FAT3: variants seen among roughly 807,000 people sequenced by gnomAD.
FAT3 encodes the protein FAT atypical cadherin 3, also known as protocadherin Fat 3.
FAT3 carries 95 observed loss-of-function variants against 310.2 expected under a neutral mutation model. The ratio of observed to expected loss-of-function variants is 0.31; its 90% CI spans 0.26 to 0.36. The LOEUF is 0.36. Among genes scored for constraint, FAT3 ranks in the 10% least tolerant of loss-of-function variants. The probability of loss-of-function intolerance (pLI) is 1.00; values close to 1 mark genes in which losing one functional copy is unlikely to be tolerated. For missense variants in FAT3, 5,408 were observed against 5,715.6 expected (o/e 0.95, Z 1.74); for synonymous variants, 2,314 against 2,192.9 (o/e 1.06, Z -1.54).
rs781438047 is a variant in FAT3 at position 92,800,336 on chromosome 11, C to G, written c.7323C>G (p.Ser2441Arg). ...YSILSGNDRTSFLMDSKSGVI... is the reference protein window; with the variant it reads ...YSILSGNDRTRFLMDSKSGVI... ...TTTTATCTGGGAATGACCGGACGAG[C>G]TTTCTGATGGACAGCAAGAGTGGAG... Residue 2441 changes from serine to arginine, a missense_variant, in exon 10 of 28, where the codon AGC becomes AGG. Ser to Arg is a moderately radical substitution (Grantham distance 110). Coordinates refer to ENST00000525166, the MANE Select transcript of FAT3 (RefSeq NM_001367949.2). The G allele has an allele frequency of 3.5e-5, 56 of 1,613,840 alleles. No individual in the cohort carries two copies. Among genetic ancestry groups the G allele is most frequent in the Non-Finnish European group, 4.6e-5 (54 of 1,179,882 alleles).
At chr11:92,580,682 C>T (rs749344014) in intron 3 of FAT3, among the ~76,000 whole-genome samples, 2 of 152,052 alleles carry the variant, frequency 1.3e-5, no homozygotes, top group Non-Finnish European at 2.9e-5. Context: ...AAGTTGGCAT[C>T]GCCTCCTGCC....
chr11:92,315,802 G>A lies in FAT3; in HGVS notation c.-17-36294G>A, dbSNP rs941424947. Among the ~76,000 whole-genome samples the A allele has an allele frequency of 4.0e-5, 6 of 151,754 alleles. No homozygotes were observed. In the East Asian group the frequency reaches 5.8e-4, roughly 15 times the overall value. ...CTCCCAAAGTGCCAGGATTATAGACGTGAGCCACCATGCCTGATCCAATCA... is the reference window on the plus strand; with the variant it reads ...CTCCCAAAGTGCCAGGATTATAGACATGAGCCACCATGCCTGATCCAATCA... On this transcript the variant is annotated intron_variant, in intron 1 of 27. Transcript: ENST00000525166.
intron 9 of FAT3, among the ~76,000 whole-genome samples, chr11:92,797,183 G>A (rs1292505149): frequency 1.3e-5 from 2 of 152,146 alleles, no homozygotes; most frequent in African/African-American, 4.8e-5. Context: ...AGAGAAGTCA[G>A]GAAAATTCAT....
chr11:92,404,031 T>C (rs764818627), intron 2 of FAT3, among the ~76,000 whole-genome samples: 1 of 150,134 alleles, frequency 6.7e-6, no homozygotes, highest in Non-Finnish European at 1.5e-5. Flanking sequence ...CAAGAGTCCG[T>C]CAAGAAAAAA....
At chr11:92,822,062 T>A (rs1022956127) in intron 13 of FAT3, among the ~76,000 whole-genome samples, 4 of 152,196 alleles carry the variant, frequency 2.6e-5, no homozygotes, top group Admixed American at 2.6e-4. Flanking sequence ...TATTTAGAAG[T>A]TTTTGCCTTT....
intron 3 of FAT3, among the ~76,000 whole-genome samples, chr11:92,596,001 G>A (rs1001546720): frequency 6.6e-6 from 1 of 152,174 alleles, no homozygotes; most frequent in African/African-American, 2.4e-5. Context: ...GTACAAGTTT[G>A]GAGGGGATTG....
In FAT3 at chr11:92,849,995, C is replaced by T. The variant is rs559392286; in HGVS notation, c.11365+5263C>T. On this transcript the variant is annotated intron_variant, in intron 19 of 27. Transcript: ENST00000525166. ...CAGGCCTGCTGACAGGTGGCCACTG[C>T]ACTTCTAATAAGCACTGTAAAATAA... 2.2e-3 allele frequency among the ~76,000 whole-genome samples: 334 copies of T among 152,260 alleles called. 3 individuals carry two copies. Among genetic ancestry groups the T allele is most frequent in the African/African-American group, 7.7e-3 (320 of 41,546 alleles).
intron 22 of FAT3, among the ~76,000 whole-genome samples, chr11:92,879,701 T>A (rs945743536): frequency 6.6e-6 from 1 of 152,068 alleles, no homozygotes; most frequent in Non-Finnish European, 1.5e-5. Flanking sequence ...GGTGTTCCTA[T>A]GTGGTGAGGC....
intron 3 of FAT3, among the ~76,000 whole-genome samples, chr11:92,554,506 G>C (rs1954946078): frequency 7.1e-6 from 1 of 140,956 alleles, no homozygotes; most frequent in South Asian, 2.3e-4. Context: ...AAAGAATGGA[G>C]GAGTTGGCAG....
intron 3 of FAT3, among the ~76,000 whole-genome samples, chr11:92,578,842 A>G (rs1938630003): frequency 1.3e-5 from 2 of 152,142 alleles, no homozygotes; most frequent in Admixed American, 1.3e-4. Flanking sequence ...TACATGGCAA[A>G]ATAACATTTT....
At chr11:92,787,756 G>T (rs891699676) in intron 7 of FAT3, among the ~76,000 whole-genome samples, 1 of 151,226 alleles carries the variant, frequency 6.6e-6, no homozygotes, top group African/African-American at 2.4e-5. Flanking sequence ...AATGATCATA[G>T]TTATAATATA....
chr11:92,434,519 G>T (rs543678760), intron 2 of FAT3, among the ~76,000 whole-genome samples: 157 of 152,278 alleles, frequency 1.0e-3, no homozygotes, highest in Non-Finnish European at 1.9e-3. Context: ...TGATCAGGAT[G>T]AAAGTGGGAT....
chr11:92,497,279 GATA>G (rs2135259065), intron 2 of FAT3, among the ~76,000 whole-genome samples: 1 of 152,098 alleles, frequency 6.6e-6, no homozygotes, highest in Non-Finnish European at 1.5e-5. Flanking sequence ...CCTTTTGTTA[GATA>G]ATGAGTTTGT....
At chr11:92,521,066 A>G (rs771111306) in intron 2 of FAT3, among the ~76,000 whole-genome samples, 1 of 152,098 alleles carries the variant, frequency 6.6e-6, no homozygotes, top group African/African-American at 2.4e-5. Flanking sequence ...TGACAAGTGG[A>G]AGAAAATAAT....
rs1179409316 is a variant in FAT3 at position 92,683,072 on chromosome 11, T to TAAAAAAAA, written c.3608-14305_3608-14298dup. Reference sequence around the variant, plus strand: ...CAGCCTGGGTGACACAGCAAGACTCTAAAAAAAAAAAAAAGTGGTATCTGA... The same window carrying TAAAAAAAA: ...CAGCCTGGGTGACACAGCAAGACTCTAAAAAAAAAAAAAAAAAAAAAAGTGGTATCTGA... On this transcript the variant is annotated intron_variant, in intron 3 of 27. Coordinates refer to ENST00000525166, the MANE Select transcript of FAT3 (RefSeq NM_001367949.2). Among the ~76,000 whole-genome samples the TAAAAAAAA allele has an allele frequency of 4.4e-5, 5 of 114,820 alleles. 1 individual carries two copies. The highest frequency in any genetic ancestry group is 8.1e-5 in the African/African-American group (2 of 24,546). 75.3% of individuals were successfully genotyped at this position (114,820 alleles called of 152,430 possible). A position where few individuals can be genotyped will look rare whatever the true frequency, so the allele number is the denominator to read the frequency against.
chr11:92,248,657 A>G (rs1865021760), intron 1 of FAT3, among the ~76,000 whole-genome samples: 1 of 152,108 alleles, frequency 6.6e-6, no homozygotes, highest in South Asian at 2.1e-4. Flanking sequence ...ATTGTAGAAA[A>G]TAGTAGATAT....
rs1360872733 is a variant in FAT3, at chr11:92,250,936, A to C, written c.-18+25762A>C. 2.0e-5 allele frequency among the ~76,000 whole-genome samples: 3 copies of C among 152,166 alleles called. No individual in the cohort carries two copies. In the South Asian group the frequency reaches 6.2e-4, roughly 31 times the overall value. On this transcript the variant is annotated intron_variant, in intron 1 of 27. Coordinates refer to ENST00000525166, the MANE Select transcript of FAT3 (RefSeq NM_001367949.2). ...TCTTTTGCACCAGTTTAGTAAAATG[A>C]CATCCGCTCTTACAATGTTGCTACA...
At chr11:92,756,170 C>A (rs2136068734) in intron 4 of FAT3, among the ~76,000 whole-genome samples, 1 of 152,320 alleles carries the variant, frequency 6.6e-6, no homozygotes, top group African/African-American at 2.4e-5. Flanking sequence ...GTTCCAAGAT[C>A]CCCAGTGGAT....
chr11:92,546,352 T>C (rs1235938505), intron 3 of FAT3, among the ~76,000 whole-genome samples: 7 of 152,228 alleles, frequency 4.6e-5, no homozygotes, highest in Non-Finnish European at 1.0e-4. Context: ...CAGTGTTTCA[T>C]TTCTCTCTGG....
Sources: allele counts gnomAD v4.1 joint callset (sites outside exome capture counted in the v4.1 genomes callset), GRCh38; gene constraint gnomAD v4.1.1; transcripts MANE v1.5; gene names NCBI Gene and HGNC (gene_info 2026-07-23, HGNC 2026-07-21).